CDH4: variants seen among roughly 807,000 people sequenced by gnomAD.
CDH4 encodes the protein cadherin-4.
Under a neutral mutation model 86.0 loss-of-function variants are expected in CDH4, and 33 were observed. The observed-to-expected ratio is 0.38, with a 90% CI of 0.29 to 0.51. The LOEUF is 0.51. Ranked by LOEUF, CDH4 falls within the 20% of genes least tolerant of loss-of-function variation. CDH4 has a pLI of 0.86. For synonymous variants in CDH4, 555 were observed against 549.4 expected (o/e 1.01, Z -0.14); for missense variants, 1,114 against 1,307.4 (o/e 0.85, Z 2.28).
At chr20:61,378,200 G>A (rs1167313957) in intron 2 of CDH4, among the ~76,000 whole-genome samples, 3 of 152,192 alleles carry the variant, frequency 2.0e-5, no homozygotes, top group African/African-American at 7.2e-5. Context: ...TCTGCAGTGA[G>A]CCATGATCAT....
At chr20:61,548,141 C>T (rs1243316773) in intron 2 of CDH4, among the ~76,000 whole-genome samples, 5 of 152,126 alleles carry the variant, frequency 3.3e-5, no homozygotes, top group Admixed American at 3.3e-4. Flanking sequence ...AGGCCCAGTC[C>T]CCAGGGCCCC....
chr20:61,527,755 G>A (rs907839350), intron 2 of CDH4, among the ~76,000 whole-genome samples: 5 of 151,948 alleles, frequency 3.3e-5, no homozygotes, highest in Non-Finnish European at 5.9e-5. Flanking sequence ...TTGTGGAGAC[G>A]TCTCGTGGTT....
At chr20:61,737,634 G>C (rs2088281237) in intron 2 of CDH4, among the ~76,000 whole-genome samples, 1 of 152,196 alleles carries the variant, frequency 6.6e-6, no homozygotes, top group Non-Finnish European at 1.5e-5. Flanking sequence ...TTGACCTTGT[G>C]TGACCTTGGC....
chr20:61,881,052 C>G (rs972599350), intron 7 of CDH4, among the ~76,000 whole-genome samples: 1 of 152,232 alleles, frequency 6.6e-6, no homozygotes, highest in Non-Finnish European at 1.5e-5. Flanking sequence ...CAAGAGGTCC[C>G]TCCCTGGTGA....
intron 2 of CDH4, among the ~76,000 whole-genome samples, chr20:61,720,421 G>T (rs941986784): frequency 6.7e-6 from 1 of 150,246 alleles, no homozygotes; most frequent in Non-Finnish European, 1.5e-5. Context: ...TAAGTGTGTA[G>T]GGGTGCAGGG....
intron 2 of CDH4, among the ~76,000 whole-genome samples, chr20:61,649,752 T>C (rs2087102294): frequency 6.6e-6 from 1 of 152,154 alleles, no homozygotes; most frequent in Non-Finnish European, 1.5e-5. Context: ...AAGAAGAGCA[T>C]GGCGGGCCGT....
At chr20:61,514,411 A>G (rs188646321) in intron 2 of CDH4, among the ~76,000 whole-genome samples, 65 of 142,954 alleles carry the variant, frequency 4.5e-4, no homozygotes, top group African/African-American at 1.1e-3. Context: ...TCAGGGATGT[A>G]GATCAAGATG....
At chr20:61,913,891 C>T (rs1214140705) in intron 9 of CDH4, among the ~76,000 whole-genome samples, 1 of 152,182 alleles carries the variant, frequency 6.6e-6, no homozygotes, top group Non-Finnish European at 1.5e-5. Context: ...AGCGGGCCAC[C>T]CTCTGCTGAG....
intron 2 of CDH4, among the ~76,000 whole-genome samples, chr20:61,537,915 T>G (rs937624785): frequency 6.6e-6 from 1 of 152,166 alleles, no homozygotes; most frequent in Non-Finnish European, 1.5e-5. Flanking sequence ...CCAGTTCCTC[T>G]CCGCAGTGTC....
intron 2 of CDH4, among the ~76,000 whole-genome samples, chr20:61,530,326 G>T (rs954160203): frequency 6.6e-6 from 1 of 152,132 alleles, no homozygotes; most frequent in African/African-American, 2.4e-5. Context: ...CACTGCGCCC[G>T]GCCAGCATTA....
At chr20:61,873,291 C>A (rs912555351) in intron 6 of CDH4, among the ~76,000 whole-genome samples, 4 of 152,222 alleles carry the variant, frequency 2.6e-5, no homozygotes, top group Non-Finnish European at 4.4e-5. Flanking sequence ...CTATACCAGG[C>A]CCTGCTTCAG....
Position 61,768,027 on chromosome 20 carries a change from C to A in CDH4, c.397-4976C>A, listed in dbSNP as rs144057002. 2.7e-4 allele frequency among the ~76,000 whole-genome samples: 41 copies of A among 152,304 alleles called. 1 individual carries two copies. The East Asian group carries it at 7.8e-3, about 29-fold the overall frequency. ...GATTCTGCAGATCTGCAGGCACGAG[C>A]TTGGTTGGACCCCAAAGACCAGCTC... On this transcript the variant is annotated intron_variant, in intron 3 of 15. Coordinates refer to ENST00000614565, the MANE Select transcript of CDH4 (RefSeq NM_001794.5).
intron 2 of CDH4, among the ~76,000 whole-genome samples, chr20:61,608,731 T>TTGG (rs761351597): frequency 1.1e-4 from 16 of 152,156 alleles, no homozygotes; most frequent in Non-Finnish European, 2.1e-4. Context: ...TGCTCTGTGG[T>TTGG]TGGTGGTGGT....
intron 2 of CDH4, among the ~76,000 whole-genome samples, chr20:61,610,684 A>G (rs1359696995): frequency 6.6e-6 from 1 of 151,912 alleles, no homozygotes; most frequent in East Asian, 1.9e-4. Context: ...GTGAGGTCAT[A>G]TTTCCCCAAG....
At chr20:61,263,835 C>T (rs886644692) in intron 2 of CDH4, among the ~76,000 whole-genome samples, 7 of 152,110 alleles carry the variant, frequency 4.6e-5, no homozygotes, top group Non-Finnish European at 8.8e-5. Context: ...CTCAGGGCTC[C>T]TGCACTCCTT....
At chr20:61,928,014 G>T (rs1294825216) in intron 11 of CDH4, among the ~76,000 whole-genome samples, 176 bp from the exon 12 acceptor site, 1 of 152,246 alleles carries the variant, frequency 6.6e-6, no homozygotes, top group Non-Finnish European at 1.5e-5. Context: ...CTGGACTGTG[G>T]GTCAGTCCCT....
At chr20:61,457,315 G>C (rs548282793) in intron 2 of CDH4, among the ~76,000 whole-genome samples, 149 of 152,226 alleles carry the variant, frequency 9.8e-4, no homozygotes, top group African/African-American at 3.4e-3. Flanking sequence ...GGAGCAAAAG[G>C]GTGGCTTGTT....
intron 13 of CDH4, among the ~76,000 whole-genome samples, chr20:61,931,444 CACG>C (rs1283611749): frequency 6.6e-6 from 1 of 152,266 alleles, no homozygotes; most frequent in African/African-American, 2.4e-5. Flanking sequence ...GAATCCTCCT[CACG>C]ACATCAGGCA....
chr20:61,931,311 C>T lies in CDH4; in HGVS notation c.2239+1469C>T, dbSNP rs1315881792. On this transcript the variant is annotated intron_variant, in intron 13 of 15. Transcript: ENST00000614565. ...AGTGCGTGGCTCCTCCCTCCGCCTGCACTTCCCTCTCCACGATCTGGGCCA... is the reference window on the plus strand; with the variant it reads ...AGTGCGTGGCTCCTCCCTCCGCCTGTACTTCCCTCTCCACGATCTGGGCCA... Among the ~76,000 whole-genome samples, 3 of 152,248 alleles carry T rather than the reference C, an allele frequency of 2.0e-5. No homozygotes were observed. In the East Asian group the frequency reaches 5.8e-4, roughly 29 times the overall value.
Sources: allele counts gnomAD v4.1 joint callset (sites outside exome capture counted in the v4.1 genomes callset), GRCh38; gene constraint gnomAD v4.1.1; transcripts MANE v1.5; gene names NCBI Gene and HGNC (gene_info 2026-07-23, HGNC 2026-07-21).